The following FSIP1 variants were observed in gnomAD, a reference collection of about 807,000 sequenced individuals.
FSIP1 encodes fibrous sheath-interacting protein 1.
FSIP1 carries 65 observed loss-of-function variants against 60.9 expected under a neutral mutation model. The ratio of observed to expected loss-of-function variants is 1.07; its 90% confidence interval spans 0.87 to 1.31. The LOEUF is 1.31. FSIP1 is among the 40% of genes most tolerant of loss of function. The pLI is 0.00. For missense variants in FSIP1, 675 were observed against 665.5 expected (o/e 1.01, Z -0.16); for synonymous variants, 209 against 221.2 (o/e 0.94, Z 0.49).
At chr15:39,730,682 C>A (rs935446447) in intron 8 of FSIP1, among the ~76,000 whole-genome samples, 7 of 152,142 alleles carry the variant, frequency 4.6e-5, no homozygotes, top group East Asian at 1.9e-4. Flanking sequence ...CTCCTCCCCA[C>A]CCTCTGATAT....
chr15:39,612,716 A>C (rs199894016), intron 11 of FSIP1, among the ~76,000 whole-genome samples: 3 of 152,124 alleles, frequency 2.0e-5, no homozygotes, highest in African/African-American at 2.4e-5. Flanking sequence ...CTTTTTGAAA[A>C]GATAAACAAA....
chr15:39,652,062 A>G (rs1479808204), intron 10 of FSIP1, among the ~76,000 whole-genome samples: 1 of 152,106 alleles, frequency 6.6e-6, no homozygotes, highest in Non-Finnish European at 1.5e-5. Flanking sequence ...CATAAGTTAC[A>G]CTCCCATAAA....
chr15:39,757,747 A>C (rs1897345865), intron 5 of FSIP1, among the ~76,000 whole-genome samples: 1 of 152,168 alleles, frequency 6.6e-6, no homozygotes, highest in African/African-American at 2.4e-5. Flanking sequence ...AGCCAGTAAT[A>C]CAATAATGTT....
At chr15:39,654,407 T>G (rs1023630623) in intron 10 of FSIP1, among the ~76,000 whole-genome samples, 2 of 152,186 alleles carry the variant, frequency 1.3e-5, no homozygotes, top group African/African-American at 4.8e-5. Context: ...AAACTTTTCA[T>G]CTCCATTATA....
At chr15:39,662,070 T>G (rs190364113) in intron 10 of FSIP1, among the ~76,000 whole-genome samples, 100 of 152,276 alleles carry the variant, frequency 6.6e-4, no homozygotes, top group African/African-American at 2.3e-3. Flanking sequence ...TATCTAGTTT[T>G]CAGAAATACA....
chr15:39,653,993 C>T (rs1404339478), intron 10 of FSIP1, among the ~76,000 whole-genome samples: 2 of 152,120 alleles, frequency 1.3e-5, no homozygotes, highest in Non-Finnish European at 2.9e-5. Context: ...TAGGCCTACA[C>T]AGGGTCAGGG....
At chr15:39,645,248 T>C (rs564923751) in intron 10 of FSIP1, among the ~76,000 whole-genome samples, 2 of 152,332 alleles carry the variant, frequency 1.3e-5, no homozygotes, top group Non-Finnish European at 2.9e-5. Context: ...GAATTAAAAA[T>C]AGAACTACTG....
intron 11 of FSIP1, among the ~76,000 whole-genome samples, chr15:39,607,026 T>C (rs1011219357): frequency 6.6e-6 from 1 of 152,172 alleles, no homozygotes; most frequent in Non-Finnish European, 1.5e-5. Context: ...TAATCCCCAC[T>C]CTCCTCATGC....
chr15:39,622,158 G>GTAAC (rs34830441), intron 10 of FSIP1, among the ~76,000 whole-genome samples: 22,831 of 152,074 alleles, frequency 0.15, 1,885 homozygotes, highest in East Asian at 0.32. Flanking sequence ...GCACTGTCAA[G>GTAAC]TAACCATCTG....
chr15:39,678,406 T>C (rs1894030002), intron 10 of FSIP1, among the ~76,000 whole-genome samples: 1 of 152,110 alleles, frequency 6.6e-6, no homozygotes, highest in African/African-American at 2.4e-5. Context: ...CAAATATGGT[T>C]TAACCACCAC....
At chr15:39,723,329 C>T (rs949274358) in intron 9 of FSIP1, among the ~76,000 whole-genome samples, 17 of 152,086 alleles carry the variant, frequency 1.1e-4, no homozygotes, top group Non-Finnish European at 1.9e-4. Flanking sequence ...CCCGGGTTCA[C>T]GCCATTCTCC....
chr15:39,678,098 A>G (rs1052552555), intron 10 of FSIP1, among the ~76,000 whole-genome samples: 3 of 152,102 alleles, frequency 2.0e-5, no homozygotes, highest in African/African-American at 7.2e-5. Context: ...ATACACCTAG[A>G]TTCTAATGTA....
intron 10 of FSIP1, among the ~76,000 whole-genome samples, chr15:39,664,083 C>T: frequency 6.6e-6 from 1 of 151,580 alleles, no homozygotes; most frequent in East Asian, 1.9e-4. Flanking sequence ...GGGGAAGGGT[C>T]TTCACATTTA....
intron 11 of FSIP1, among the ~76,000 whole-genome samples, chr15:39,617,323 A>G (rs1363410195): frequency 1.3e-5 from 2 of 152,244 alleles, no homozygotes; most frequent in African/African-American, 2.4e-5. Flanking sequence ...TGCATACAGA[A>G]ACTAATATAA....
At chr15:39,712,111 C>G (rs1457399729) in intron 10 of FSIP1, among the ~76,000 whole-genome samples, 1 of 152,008 alleles carries the variant, frequency 6.6e-6, no homozygotes, top group East Asian at 1.9e-4. Context: ...TAAAAATGAG[C>G]TATAAAAAAA....
chr15:39,617,975 C>T lies in FSIP1; in HGVS notation c.1459G>A (p.Ala487Thr). 1 of 1,614,202 alleles carries T rather than the reference C, an allele frequency of 6.2e-7. No individual in the cohort carries two copies. Among genetic ancestry groups the T allele is most frequent in the Non-Finnish European group, 8.5e-7 (1 of 1,180,036 alleles). ...TCTGACATGTTATGTCCAGTCAAGG[C>T]TTTAGTGAGATAGTAGCCTTTAGAA... ...EASKGYYLTK[A>T]LTGHNMSEAL... Residue 487 changes from alanine (A) to threonine (T), a missense_variant, in exon 11 of 12, where the codon GCC becomes ACC. Coordinates refer to ENST00000350221, the MANE Select transcript of FSIP1 (RefSeq NM_152597.5).
chr15:39,714,080 C>T (rs888477920), intron 9 of FSIP1, among the ~76,000 whole-genome samples: 1 of 152,162 alleles, frequency 6.6e-6, no homozygotes, highest in Non-Finnish European at 1.5e-5. Flanking sequence ...ATGAATTAAC[C>T]TCTCTGAGCT....
chr15:39,711,979 A>AC (rs1444444215), intron 10 of FSIP1, among the ~76,000 whole-genome samples: 1 of 151,680 alleles, frequency 6.6e-6, no homozygotes, highest in Non-Finnish European at 1.5e-5. Context: ...GAGCCACCGC[A>AC]CCCAGCCCAT....
chr15:39,765,740 G>A lies in FSIP1; in HGVS notation c.317C>T (p.Pro106Leu), dbSNP rs1285158949. 2.7e-6 allele frequency: 4 copies of A among 1,508,072 alleles called. No homozygotes were observed. The highest frequency in any genetic ancestry group is 3.6e-6 in the Non-Finnish European group (4 of 1,100,914). 93.4% of individuals were successfully genotyped at this position (1,508,072 alleles called of 1,614,324 possible). A position where few individuals can be genotyped will look rare whatever the true frequency, so the allele number is the denominator to read the frequency against. ...HQIISECSDE[P>L]KLKELDSQLQ... ...TTGAGAATCTAATTCTTTTAATTTGGGTTCATCTATATTGTGTTGAAAGTA... is the reference window on the plus strand; with the variant it reads ...TTGAGAATCTAATTCTTTTAATTTGAGTTCATCTATATTGTGTTGAAAGTA... The change falls in exon 4 of 12, where the codon CCC becomes CTC. Residue 106 changes from proline to leucine, a missense_variant. By Grantham distance (98) the Pro-to-Leu change is moderately conservative (BLOSUM62 -3). Coordinates refer to ENST00000350221, the MANE Select transcript of FSIP1 (RefSeq NM_152597.5).
Sources: gnomAD v4.1 joint callset for allele counts (sites outside exome capture counted in the v4.1 genomes callset) on GRCh38, gnomAD v4.1.1 for gene constraint, MANE v1.5 for transcripts, NCBI Gene and HGNC (gene_info 2026-07-23, HGNC 2026-07-21) for gene names.